The following TMEM236 variants were observed in gnomAD, a reference collection of about 807,000 sequenced individuals.
The protein encoded by TMEM236 is family with sequence similarity 23, member A.
Under a neutral mutation model 14.7 loss-of-function variants are expected in TMEM236, and 11 were observed. The observed-to-expected ratio is 0.75, with a 90% CI of 0.47 to 1.24. The LOEUF (loss-of-function observed/expected upper bound fraction) is 1.24. TMEM236 is among the 50% of genes most tolerant of loss of function. The pLI is 0.00. For synonymous variants in TMEM236, 182 were observed against 168.6 expected, an observed-to-expected ratio of 1.08 and a Z score of -0.62; for missense variants, 464 against 427.3, an observed-to-expected ratio of 1.09 and a Z score of -0.76.
In TMEM236 at chr10:17,770,977, G is replaced by A. The variant is rs941021048; in HGVS notation, c.258-332G>A. ...AGTCATGCTGTTCATTTATTCAGTT[G>A]GTCACTACAGCCTGACCTCTTGGGC... On this transcript the variant is annotated intron_variant, in intron 1 of 3. Transcript: ENST00000377495. 1.4e-3 allele frequency among the ~76,000 whole-genome samples: 206 copies of A among 152,170 alleles called. 1 individual carries two copies. Among genetic ancestry groups the A allele is most frequent in the African/African-American group, 4.8e-3 (198 of 41,508 alleles).
chr10:17,752,365 A>G lies in TMEM236; in HGVS notation c.70A>G (p.Thr24Ala), dbSNP rs1469185555. 4 of 1,613,518 alleles carry G rather than the reference A, an allele frequency of 2.5e-6. No individual in the cohort carries two copies. The Admixed American group carries it at 5.0e-5, about 20-fold the overall frequency. Residue 24 changes from threonine to alanine, a missense_variant, in exon 1 of 4, where the codon ACA (threonine) becomes GCA (alanine). Physicochemically the swap from Thr to Ala is moderately conservative, Grantham distance 58. Transcript: ENST00000377495. ...LLEFAAFSIP[T>A]LVITEQFATA... ...AGAGTTTGCCGCTTTCTCCATCCCC[A>G]CACTCGTGATCACAGAACAGTTTGC...
At chr10:17,771,115 T>C (rs1312208296) in intron 1 of TMEM236, among the ~76,000 whole-genome samples, 194 bp from the exon 2 acceptor site, 2 of 152,256 alleles carry the variant, frequency 1.3e-5, no homozygotes, top group Non-Finnish European at 2.9e-5. Flanking sequence ...CCCTTTGTTC[T>C]AGAAGAAGCA....
intron 2 of TMEM236, among the ~76,000 whole-genome samples, 184 bp from the exon 3 acceptor site, chr10:17,775,845 A>G (rs1404435112): frequency 6.6e-6 from 1 of 152,198 alleles, no homozygotes; most frequent in Admixed American, 6.5e-5. Flanking sequence ...ATGAGTCCTT[A>G]TGACAGCTTT....
chr10:17,790,365 A>G (rs1837906838), intron 3 of TMEM236, among the ~76,000 whole-genome samples: 2 of 152,178 alleles, frequency 1.3e-5, no homozygotes, highest in African/African-American at 4.8e-5. Context: ...CACAATTCCT[A>G]GTACAGTATC....
chr10:17,774,619 C>T (rs2131752014), intron 2 of TMEM236, among the ~76,000 whole-genome samples: 1 of 152,290 alleles, frequency 6.6e-6, no homozygotes, highest in African/African-American at 2.4e-5. Context: ...TTCTTTATAT[C>T]CAGAAGAGTA....
intron 2 of TMEM236, 125 bp downstream of exon 2, chr10:17,771,506 G>C: frequency 2.2e-6 from 2 of 926,572 alleles, no homozygotes; most frequent in Admixed American, 3.7e-5. Context: ...TCTTCTTCCA[G>C]GTTGCAATAT....
At chr10:17,789,756 C>T (rs1837892840) in intron 3 of TMEM236, among the ~76,000 whole-genome samples, 1 of 152,108 alleles carries the variant, frequency 6.6e-6, no homozygotes, top group African/African-American at 2.4e-5. Context: ...GGCACGGTGG[C>T]TCACGCCTGT....
rs949507143 is a variant in TMEM236, at chr10:17,796,833, C to T, written c.*329C>T. On this transcript the variant is annotated 3_prime_UTR_variant, in exon 4 of 4. Coordinates refer to ENST00000377495, the MANE Select transcript of TMEM236 (RefSeq NM_001098844.3). ...GTCCGTGATCTGTTAGCAAGCAGAC[C>T]GCACAGCACGTGGTGAACCTCAAAC... 7.0e-5 allele frequency: 24 copies of T among 342,528 alleles called. No homozygotes were observed. Among genetic ancestry groups the T allele is most frequent in the South Asian group, 4.1e-4 (15 of 36,518 alleles). The allele number at this position is 342,528 out of a possible 1,614,324, so 21.2% of individuals were successfully genotyped here.
chr10:17,760,178 A>G lies in TMEM236; in HGVS notation c.257+7626A>G, dbSNP rs1298062260. Among the ~76,000 whole-genome samples, 7 of 152,238 alleles carry G rather than the reference A, an allele frequency of 4.6e-5. No individual in the cohort carries two copies. The East Asian group carries it at 1.4e-3, about 29-fold the overall frequency. On this transcript the variant is annotated intron_variant, in intron 1 of 3. Coordinates refer to ENST00000377495, the MANE Select transcript of TMEM236 (RefSeq NM_001098844.3). ...AGAGATCATTAATTGGTAAGACCCC[A>G]TTAACTAAACACTGCTGCTTACCAG...
intron 3 of TMEM236, among the ~76,000 whole-genome samples, chr10:17,788,515 T>G (rs1837872964): frequency 6.6e-6 from 1 of 150,696 alleles, no homozygotes; most frequent in Non-Finnish European, 1.5e-5. Context: ...CTTTGGGAGG[T>G]TGAGGTGGGA....
chr10:17,784,261 A>C (rs1363308486), intron 3 of TMEM236, among the ~76,000 whole-genome samples: 2 of 152,252 alleles, frequency 1.3e-5, no homozygotes, highest in Non-Finnish European at 2.9e-5. Context: ...GTTAATTTAT[A>C]AATAACCAAT....
rs1226736539 is a variant in TMEM236, at chr10:17,798,832, A to G, written c.*2328A>G. On this transcript the variant is annotated 3_prime_UTR_variant, in exon 4 of 4. Coordinates refer to ENST00000377495, the MANE Select transcript of TMEM236 (RefSeq NM_001098844.3). ...CTTTGAGCACATTTTCTGGCAAACCATAATAACTTGATAAATGCTAAGCAT... is the reference window on the plus strand; with the variant it reads ...CTTTGAGCACATTTTCTGGCAAACCGTAATAACTTGATAAATGCTAAGCAT... 1.0e-5 allele frequency: 4 copies of G among 388,844 alleles called. No homozygotes were observed. Among genetic ancestry groups the G allele is most frequent in the African/African-American group, 6.3e-5 (3 of 47,360 alleles). The allele number at this position is 388,844 out of a possible 1,614,324, so 24.1% of individuals were successfully genotyped here.
chr10:17,776,208 T>C (rs1323975567), intron 3 of TMEM236, 38 bp downstream of exon 3: 1 of 1,588,550 alleles, frequency 6.3e-7, no homozygotes, highest in Admixed American at 1.7e-5. Context: ...TTTTAAAGTT[T>C]GATATATTTT....
intron 2 of TMEM236, among the ~76,000 whole-genome samples, chr10:17,775,284 G>T (rs1392336130): frequency 6.6e-6 from 1 of 152,150 alleles, no homozygotes; most frequent in Non-Finnish European, 1.5e-5. Flanking sequence ...TTTTGTTTCT[G>T]TTTTTTGTGG....
At position 17,756,448 on chromosome 10, in the gene TMEM236, A is replaced by G. The variant is rs1407036502; in HGVS notation, c.257+3896A>G. 4.6e-5 allele frequency among the ~76,000 whole-genome samples: 7 copies of G among 152,172 alleles called. No homozygotes were observed. The East Asian group carries it at 1.4e-3, about 29-fold the overall frequency. ...GTAGTGGGGATTACAGTTGTGCACG[A>G]CCACACCCGACTAATTTTTGTATTT... On this transcript the variant is annotated intron_variant, in intron 1 of 3. Coordinates refer to ENST00000377495, the MANE Select transcript of TMEM236 (RefSeq NM_001098844.3).
At chr10:17,778,583 A>C (rs1416991165) in intron 3 of TMEM236, among the ~76,000 whole-genome samples, 3 of 152,232 alleles carry the variant, frequency 2.0e-5, no homozygotes, top group Admixed American at 2.0e-4. Flanking sequence ...GATGAACAAG[A>C]TCTAGAATAA....
At chr10:17,791,340 C>A (rs1472080761) in intron 3 of TMEM236, among the ~76,000 whole-genome samples, 2 of 151,326 alleles carry the variant, frequency 1.3e-5, no homozygotes, top group Non-Finnish European at 2.9e-5. Context: ...AGCCTGTAGT[C>A]CCAGCTATTT....
chr10:17,790,025 A>G (rs1222491888), intron 3 of TMEM236, among the ~76,000 whole-genome samples: 2 of 152,158 alleles, frequency 1.3e-5, no homozygotes, highest in Admixed American at 1.3e-4. Flanking sequence ...CTCCGTCTCA[A>G]AAAAAGAAAA....
intron 1 of TMEM236, among the ~76,000 whole-genome samples, chr10:17,756,893 T>C (rs1370193829): frequency 1.3e-5 from 2 of 152,218 alleles, no homozygotes; most frequent in Non-Finnish European, 2.9e-5. Context: ...TCAGATTTCA[T>C]GTTGTGCATC....
Sources: allele counts gnomAD v4.1 joint callset (sites outside exome capture counted in the v4.1 genomes callset), GRCh38; gene constraint gnomAD v4.1.1; transcripts MANE v1.5; gene names NCBI Gene and HGNC (gene_info 2026-07-23, HGNC 2026-07-21).